Variants in RPUSD3 observed in about 807,000 individuals in gnomAD.
The protein encoded by RPUSD3 is mitochondrial mRNA pseudouridine synthase RPUSD3.
RPUSD3 carries 36 observed loss-of-function variants against 35.1 expected under a neutral mutation model. The observed-to-expected ratio is 1.02, with a 90% confidence interval of 0.79 to 1.35. The LOEUF is 1.35. RPUSD3 is among the 40% of genes most tolerant of loss of function. The pLI, the probability that RPUSD3 is intolerant of heterozygous loss-of-function variation, is 0.00. For missense variants in RPUSD3, 486 were observed against 441.9 expected (o/e 1.10, Z -0.89); for synonymous variants, 202 against 187.8 (o/e 1.08, Z -0.62).
chr3:9,840,264 C>A (rs371525523), exon 7 of RPUSD3: 4 of 1,614,194 alleles, frequency 2.5e-6, no homozygotes, highest in Non-Finnish European at 2.5e-6. Flanking sequence ...CTTCTTGACA[C>A]CTTCCAGGAT....
At chr3:9,843,488 C>T (rs1406859084) in exon 2 of RPUSD3, 3 of 1,613,892 alleles carry the variant, frequency 1.9e-6, no homozygotes, top group Admixed American at 1.7e-5. Flanking sequence ...CACGGCTGCC[C>T]GCAGCGCATC....
At chr3:9,839,336 C>T (rs2082069473) in intron 7 of RPUSD3, 165 bp from the exon 8 acceptor site, 2 of 658,334 alleles carry the variant, frequency 3.0e-6, no homozygotes, top group South Asian at 2.3e-5. Context: ...GGACACATAA[C>T]ACGTCAGGAC....
Position 9,839,177 on chromosome 3 carries a change from C to A in RPUSD3, c.725-6G>T. ...CTGTAGTTGACTGGAGAACACTGGGCAACAGGAAAGCCAGGAGAGACAGTG... is the reference window on the plus strand; with the variant it reads ...CTGTAGTTGACTGGAGAACACTGGGAAACAGGAAAGCCAGGAGAGACAGTG... On this transcript the variant is annotated splice_region_variant and splice_polypyrimidine_tract_variant and intron_variant, in intron 7 of 8. Transcript: ENST00000383820. 6.2e-7 allele frequency: 1 copy of A among 1,603,408 alleles called. No homozygotes were observed. The highest frequency in any genetic ancestry group is 8.5e-7 in the Non-Finnish European group (1 of 1,171,570).
intron 4 of RPUSD3, 27 bp from the exon 5 acceptor site, chr3:9,840,832 G>A (rs750736977): frequency 1.9e-6 from 3 of 1,582,238 alleles, no homozygotes; most frequent in South Asian, 1.1e-5. Context: ...AATCACACAA[G>A]TTAAAGTCCC....
intron 8 of RPUSD3, 106 bp from the exon 9 acceptor site, chr3:9,838,313 C>T: frequency 9.5e-7 from 1 of 1,054,022 alleles, no homozygotes; most frequent in Non-Finnish European, 1.4e-6. Flanking sequence ...CCATTCCCCA[C>T]TGTTCTGCAA....
intron 1 of RPUSD3, 50 bp from the exon 2 acceptor site, chr3:9,843,651 C>T: frequency 6.2e-7 from 1 of 1,600,914 alleles, no homozygotes; most frequent in Non-Finnish European, 8.5e-7. Flanking sequence ...CGAGGTGCCA[C>T]CCATTCCTAT....
Position 9,840,525 on chromosome 3 carries a change from G to C in RPUSD3, c.600+7C>G, listed in dbSNP as rs746445529. 2 of 1,613,730 alleles carry C rather than the reference G, an allele frequency of 1.2e-6. No individual in the cohort carries two copies. Among genetic ancestry groups the C allele is most frequent in the South Asian group, 2.2e-5 (2 of 91,070 alleles). ...AGCACCCCTCCTCTTCCCAGACCCG[G>C]ACTCACGAGATTGACCCCATCAATG... On this transcript the variant is annotated splice_region_variant and intron_variant, in intron 6 of 8. Coordinates refer to ENST00000383820, the Ensembl canonical transcript of RPUSD3.
intron 1 of RPUSD3, 61 bp downstream of exon 1, chr3:9,843,829 C>T (rs891289656): frequency 1.9e-6 from 3 of 1,558,582 alleles, no homozygotes; most frequent in Non-Finnish European, 2.6e-6. Context: ...ATCCAGATCC[C>T]GCACGTGCCT....
At position 9,842,198 on chromosome 3, in the gene RPUSD3, C is replaced by T; in HGVS notation, c.307+1G>A. 1.9e-6 allele frequency: 3 copies of T among 1,614,206 alleles called. No homozygotes were observed. Among genetic ancestry groups the T allele is most frequent in the Non-Finnish European group, 2.5e-6 (3 of 1,180,038 alleles). On this transcript the variant is annotated splice_donor_variant, in intron 3 of 8. Coordinates refer to ENST00000383820, the Ensembl canonical transcript of RPUSD3. LOFTEE classifies it high-confidence loss of function. Reference sequence around the variant, plus strand: ...TCCCTTCCCACATCCCCGGCCCATACCTGTCACTGGTAGACCCTGTGGCTT... The same window carrying T: ...TCCCTTCCCACATCCCCGGCCCATATCTGTCACTGGTAGACCCTGTGGCTT...
chr3:9,843,866 ATGAGAGAGGGGGTAC>A lies in RPUSD3; in HGVS notation c.125+9_125+23del, dbSNP rs1416097640. ...CCCCCTGCCCTAGCCTCCGTCCCGC[ATGAGAGAGGGGGTAC>A]TTAATCACCGGGCTTCGGTGCCAAA... On this transcript the variant is annotated intron_variant, in intron 1 of 8. Transcript: ENST00000383820. 6.3e-7 allele frequency: 1 copy of A among 1,590,738 alleles called. No individual in the cohort carries two copies. Among genetic ancestry groups the A allele is most frequent in the Non-Finnish European group, 8.6e-7 (1 of 1,169,354 alleles).
Sources: allele counts gnomAD v4.1 joint callset, GRCh38; gene constraint gnomAD v4.1.1; transcripts MANE v1.5; gene names NCBI Gene and HGNC (gene_info 2026-07-23, HGNC 2026-07-21).